PCDHA6: variants seen among roughly 807,000 people sequenced by gnomAD.
The protein encoded by PCDHA6 is protocadherin alpha 6, also known as protocadherin alpha-6.
PCDHA6 carries 55 observed loss-of-function variants against 60.3 expected under a neutral mutation model. The ratio of observed to expected loss-of-function variants is 0.91; its 90% CI spans 0.73 to 1.14. PCDHA6 has a LOEUF of 1.14. PCDHA6 is among the 50% of genes most tolerant of loss of function. PCDHA6 has a pLI of 0.00. For synonymous variants in PCDHA6, 652 were observed against 557.9 expected (o/e 1.17, Z -2.38); for missense variants, 1,327 against 1,256.5 (o/e 1.06, Z -0.85).
chr5:140,868,277 C>T (rs1261614987), intron 1 of PCDHA6: 2 of 151,614 alleles, frequency 1.3e-5, no homozygotes, highest in Non-Finnish European at 2.9e-5. Flanking sequence ...TTAAAACTAC[C>T]AAGTTTGAGA....
Position 140,842,238 on chromosome 5 carries a change from G to A in PCDHA6, c.2394+11753G>A, listed in dbSNP as rs1554138909. ...AATACGGGAGAAATAGTGATTCGGG[G>A]TAATTTGGATTTTGAACAAGAAAAC... On this transcript the variant is annotated intron_variant, in intron 1 of 3. Coordinates refer to ENST00000529310, the MANE Select transcript of PCDHA6 (RefSeq NM_018909.4). 6.2e-6 allele frequency: 10 copies of A among 1,612,562 alleles called. No homozygotes were observed. Among genetic ancestry groups the A allele is most frequent in the South Asian group, 2.2e-5 (2 of 91,028 alleles).
chr5:141,009,594 C>G, intron 3 of PCDHA6, 33 bp from the exon 4 acceptor site: 1 of 1,602,468 alleles, frequency 6.2e-7, no homozygotes, highest in Non-Finnish European at 8.5e-7. Context: ...ATGTGTTGAC[C>G]CTGTTAATGA....
At chr5:141,008,434 A>G (rs1466409442) in intron 3 of PCDHA6, among the ~76,000 whole-genome samples, 2 of 152,196 alleles carry the variant, frequency 1.3e-5, no homozygotes, top group Admixed American at 6.5e-5. Context: ...CACTTTGCCC[A>G]GACAGACCAT....
At position 140,856,428 on chromosome 5, in the gene PCDHA6, A is replaced by G. The variant is rs782670614; in HGVS notation, c.2394+25943A>G. On this transcript the variant is annotated intron_variant, in intron 1 of 3. Coordinates refer to ENST00000529310, the MANE Select transcript of PCDHA6 (RefSeq NM_018909.4). ...GACGTGGAAGTGAAGGACATTAACG[A>G]CAACCCGCCCAGGTTCTCCGTAACA... The G allele has an allele frequency of 5.0e-6, 8 of 1,598,286 alleles. No homozygotes were observed. The East Asian group carries it at 1.8e-4, about 36-fold the overall frequency.
chr5:140,912,900 T>A (rs979059809), intron 1 of PCDHA6, among the ~76,000 whole-genome samples: 1 of 152,264 alleles, frequency 6.6e-6, no homozygotes, highest in Non-Finnish European at 1.5e-5. Context: ...ATATGATGTA[T>A]CATATTGATT....
chr5:140,829,818 C>T lies in PCDHA6; in HGVS notation c.1727C>T (p.Ala576Val). ...CCTCGGGTGGGTGGTACTGGTGGTG[C>T]AGTGAGCGAGCTGGTGCCGCGGTCA... ...LAPRVGGTGG[A>V]VSELVPRSLG... Residue 576 changes from alanine (A) to valine (V), a missense_variant, in exon 1 of 4, where the codon GCA becomes GTA. Physicochemically the swap from Ala to Val is moderately conservative, Grantham distance 64. Transcript: ENST00000529310. 2 of 1,613,864 alleles carry T rather than the reference C, an allele frequency of 1.2e-6. No individual in the cohort carries two copies. The highest frequency in any genetic ancestry group is 1.7e-6 in the Non-Finnish European group (2 of 1,179,872).
chr5:140,849,369 A>T, intron 1 of PCDHA6: 1 of 1,490,294 alleles, frequency 6.7e-7, no homozygotes, highest in Non-Finnish European at 9.2e-7. Flanking sequence ...TATAAAATCC[A>T]AGTTCCACAT....
rs74520967 is a variant in PCDHA6 at position 140,931,074 on chromosome 5, G to A, written c.2395-47875G>A. Among the ~76,000 whole-genome samples, 869 of 152,264 alleles carry A rather than the reference G, an allele frequency of 5.7e-3. 7 individuals are homozygous for A. The highest frequency in any genetic ancestry group is 0.018 in the African/African-American group (768 of 41,552). ...ATGCTGTGTCTGGGACTAAGTATGAGTCCAGTTCTACAGATGACAAAGGAA... is the reference window on the plus strand; with the variant it reads ...ATGCTGTGTCTGGGACTAAGTATGAATCCAGTTCTACAGATGACAAAGGAA... On this transcript the variant is annotated intron_variant, in intron 1 of 3. Coordinates refer to ENST00000529310, the MANE Select transcript of PCDHA6 (RefSeq NM_018909.4).
intron 1 of PCDHA6, among the ~76,000 whole-genome samples, chr5:140,895,352 G>A (rs1322887367): frequency 7.9e-5 from 12 of 151,916 alleles, no homozygotes; most frequent in African/African-American, 2.9e-4. Flanking sequence ...GCTTTCCAGT[G>A]AGTACTTATT....
chr5:140,995,543 G>A (rs1243799532), intron 3 of PCDHA6, among the ~76,000 whole-genome samples: 1 of 152,144 alleles, frequency 6.6e-6, no homozygotes, highest in Non-Finnish European at 1.5e-5. Context: ...AATAAGGGGC[G>A]ATCACTGTAC....
chr5:140,956,809 T>C (rs868918745), intron 1 of PCDHA6, among the ~76,000 whole-genome samples: 2 of 152,198 alleles, frequency 1.3e-5, no homozygotes, highest in Non-Finnish European at 1.5e-5. Flanking sequence ...TATTTATTAT[T>C]GCTTCAATTT....
Position 140,845,928 on chromosome 5 carries a change from A to G in PCDHA6, c.2394+15443A>G, listed in dbSNP as rs1394601950. On this transcript the variant is annotated intron_variant, in intron 1 of 3. Coordinates refer to ENST00000529310, the MANE Select transcript of PCDHA6 (RefSeq NM_018909.4). ...CATATTAATCTTATTTTTGTGTAAA[A>G]CTATCTTCTGTAAAGTCATTTTTTA... Among the ~76,000 whole-genome samples the G allele has an allele frequency of 1.3e-5, 2 of 149,652 alleles. 1 individual carries two copies. The highest frequency in any genetic ancestry group is 1.3e-4 in the Admixed American group (2 of 14,942).
intron 1 of PCDHA6, among the ~76,000 whole-genome samples, chr5:140,845,293 T>A (rs1779796501): frequency 6.7e-6 from 1 of 149,672 alleles, no homozygotes; most frequent in African/African-American, 2.4e-5. Flanking sequence ...CTATCCTGTC[T>A]ATGTCTACCT....
intron 1 of PCDHA6, among the ~76,000 whole-genome samples, chr5:140,970,958 C>T (rs1554232904): frequency 6.6e-6 from 1 of 152,106 alleles, no homozygotes; most frequent in Non-Finnish European, 1.5e-5. Context: ...CCATGGGAGG[C>T]AGATTGTAGA....
At chr5:140,877,540 G>A (rs1044322759) in intron 1 of PCDHA6, 2 of 1,613,770 alleles carry the variant, frequency 1.2e-6, no homozygotes, top group East Asian at 2.2e-5. Flanking sequence ...TGTGGATCCC[G>A]AAGCGGCTCT....
chr5:140,842,553 G>A (rs144906391), intron 1 of PCDHA6: 24 of 1,453,612 alleles, frequency 1.7e-5, no homozygotes. Flanking sequence ...GTGCTGGACA[G>A]CGCCCTGGAC....
chr5:140,925,685 G>T (rs1584406507), intron 1 of PCDHA6, among the ~76,000 whole-genome samples: 1 of 137,694 alleles, frequency 7.3e-6, no homozygotes, highest in South Asian at 2.3e-4. Flanking sequence ...ATAAAGCGAG[G>T]GTGGGTATCT....
At chr5:140,921,750 C>T (rs2080373281) in intron 1 of PCDHA6, among the ~76,000 whole-genome samples, 2 of 152,056 alleles carry the variant, frequency 1.3e-5, no homozygotes, top group African/African-American at 4.8e-5. Context: ...CATAACAGGA[C>T]ACTTCTTGGC....
chr5:140,893,297 A>G (rs553139850), intron 1 of PCDHA6, among the ~76,000 whole-genome samples: 4 of 152,154 alleles, frequency 2.6e-5, no homozygotes, highest in South Asian at 2.1e-4. Context: ...TGGTAGTTCT[A>G]TTTGTAGTTT....
Sources: allele counts gnomAD v4.1 joint callset (sites outside exome capture counted in the v4.1 genomes callset), GRCh38; gene constraint gnomAD v4.1.1; transcripts MANE v1.5; gene names NCBI Gene and HGNC (gene_info 2026-07-23, HGNC 2026-07-21).